The following PTPRM variants were observed in gnomAD, a reference collection of about 807,000 sequenced individuals.
PTPRM encodes the protein protein tyrosine phosphatase receptor type M.
PTPRM carries 47 observed loss-of-function variants against 186.7 expected under a neutral mutation model. The ratio of observed to expected loss-of-function variants is 0.25; its 90% CI spans 0.20 to 0.32. The LOEUF (loss-of-function observed/expected upper bound fraction) is 0.32. PTPRM is among the 10% of genes least tolerant of loss of function. PTPRM has a pLI of 1.00. For missense variants in PTPRM, 1,494 were observed against 1,865.0 expected, an observed-to-expected ratio of 0.80 and a Z score of 3.66; for synonymous variants, 668 against 674.9, an observed-to-expected ratio of 0.99 and a Z score of 0.16.
intron 2 of PTPRM, among the ~76,000 whole-genome samples, chr18:7,780,933 T>A (rs1457821484): frequency 6.6e-6 from 1 of 151,154 alleles, no homozygotes; most frequent in African/African-American, 2.4e-5. Flanking sequence ...GGGGTGGGAG[T>A]CAGACCACAT....
chr18:8,069,109 CAAAAAAAA>C (rs71165767), intron 7 of PTPRM, among the ~76,000 whole-genome samples: 1 of 78,618 alleles, frequency 1.3e-5, no homozygotes, highest in East Asian at 4.1e-4. Context: ...GACTCCGTCT[CAAAAAAAA>C]AAAAAAAAAA....
chr18:8,273,172 C>T (rs2094793147), intron 19 of PTPRM, among the ~76,000 whole-genome samples: 1 of 152,126 alleles, frequency 6.6e-6, no homozygotes, highest in South Asian at 2.1e-4. Flanking sequence ...CCACTTAGTA[C>T]ATTTTTAGTT....
intron 31 of PTPRM, among the ~76,000 whole-genome samples, chr18:8,389,412 A>G (rs2095797567): frequency 6.6e-6 from 1 of 152,244 alleles, no homozygotes. Context: ...CTGTGACCAC[A>G]GAACTAACCA....
At chr18:7,960,468 TATATATATATATACACACACACAC>T (rs1350895038) in intron 7 of PTPRM, among the ~76,000 whole-genome samples, 1 of 123,292 alleles carries the variant, frequency 8.1e-6, no homozygotes, top group Non-Finnish European at 1.7e-5. Flanking sequence ...TATATATATA[TATATATATATATACACACACACAC>T]ACACACACAC....
In PTPRM at chr18:8,303,438, G is replaced by A. The variant is rs151188436; in HGVS notation, c.2842+6983G>A. ...TTTTCTAACATTTTGTTTTATAGCA[G>A]TGTGCTTCTCTCTGCTAATTGAGTG... On this transcript the variant is annotated intron_variant, in intron 20 of 32. Transcript: ENST00000580170. 1.1e-4 allele frequency among the ~76,000 whole-genome samples: 16 copies of A among 152,310 alleles called. No homozygotes were observed. In the East Asian group the frequency reaches 3.1e-3, roughly 29 times the overall value.
chr18:7,824,955 T>A (rs1438981186), intron 2 of PTPRM, among the ~76,000 whole-genome samples: 3 of 152,176 alleles, frequency 2.0e-5, no homozygotes, highest in Non-Finnish European at 2.9e-5. Flanking sequence ...TAAGCTTCTC[T>A]TCATGGATTT....
At chr18:8,035,515 T>C (rs1419507082) in intron 7 of PTPRM, among the ~76,000 whole-genome samples, 1 of 152,202 alleles carries the variant, frequency 6.6e-6, no homozygotes, top group Non-Finnish European at 1.5e-5. Context: ...CCCAATACAA[T>C]GTAAATGCTA....
chr18:7,841,973 G>A (rs1030522949), intron 2 of PTPRM, among the ~76,000 whole-genome samples: 9 of 150,876 alleles, frequency 6.0e-5, no homozygotes, highest in Middle Eastern at 3.4e-3. Context: ...AGCTTTTCTT[G>A]TTGACTTTGG....
chr18:7,868,764 C>G (rs116876408), intron 2 of PTPRM, among the ~76,000 whole-genome samples: 5,894 of 152,340 alleles, frequency 0.039, 135 homozygotes, highest in Middle Eastern at 0.11. Flanking sequence ...AGCTGACAGG[C>G]AGAAACGTTT....
At chr18:7,717,723 C>T (rs560783779) in intron 1 of PTPRM, among the ~76,000 whole-genome samples, 1 of 152,214 alleles carries the variant, frequency 6.6e-6, no homozygotes, top group East Asian at 1.9e-4. Context: ...GGCAATCCTG[C>T]CTGGATGCTG....
intron 32 of PTPRM, among the ~76,000 whole-genome samples, chr18:8,401,529 C>A (rs185681713): frequency 1.4e-3 from 207 of 152,318 alleles, no homozygotes; most frequent in African/African-American, 4.8e-3. Flanking sequence ...AGGATCTGTC[C>A]GTTCAGGGTC....
intron 1 of PTPRM, among the ~76,000 whole-genome samples, chr18:7,743,757 C>T (rs680780): frequency 0.099 from 15,038 of 152,002 alleles, 883 homozygotes; most frequent in Middle Eastern, 0.19. Flanking sequence ...GTCAGTAAGC[C>T]GGTTTATAGA....
intron 1 of PTPRM, among the ~76,000 whole-genome samples, chr18:7,663,699 A>G (rs932577877): frequency 6.6e-6 from 1 of 152,202 alleles, no homozygotes; most frequent in Middle Eastern, 3.2e-3. Context: ...AAGTGCCATT[A>G]AACATACTGA....
At chr18:8,033,890 G>A (rs948535328) in intron 7 of PTPRM, among the ~76,000 whole-genome samples, 4 of 152,148 alleles carry the variant, frequency 2.6e-5, no homozygotes, top group Admixed American at 6.5e-5. Context: ...TGGCAGGGCC[G>A]TGCTCCTTTC....
chr18:7,711,080 A>G (rs1234363402), intron 1 of PTPRM, among the ~76,000 whole-genome samples: 2 of 152,154 alleles, frequency 1.3e-5, no homozygotes, highest in Non-Finnish European at 2.9e-5. Flanking sequence ...TGCAGCTCCC[A>G]GTGAGATCAA....
At chr18:7,706,774 C>A (rs1304208569) in intron 1 of PTPRM, among the ~76,000 whole-genome samples, 2 of 151,944 alleles carry the variant, frequency 1.3e-5, no homozygotes, top group Non-Finnish European at 2.9e-5. Context: ...GTTGCTTCTA[C>A]CTGTGTTATG....
intron 5 of PTPRM, among the ~76,000 whole-genome samples, chr18:7,932,071 T>C (rs2051520795): frequency 6.6e-6 from 1 of 152,190 alleles, no homozygotes; most frequent in Admixed American, 6.5e-5. Context: ...CCTGCATTCC[T>C]TACTCCTGTT....
At chr18:8,198,627 C>T (rs530636096) in intron 14 of PTPRM, among the ~76,000 whole-genome samples, 1 of 152,052 alleles carries the variant, frequency 6.6e-6, no homozygotes, top group Admixed American at 6.5e-5. Context: ...TTCTGTATTG[C>T]GGAGAGGATC....
intron 2 of PTPRM, among the ~76,000 whole-genome samples, chr18:7,835,540 A>T (rs746652574): frequency 2.0e-5 from 3 of 152,270 alleles, no homozygotes; most frequent in Non-Finnish European, 2.9e-5. Context: ...GAGGAAAAGA[A>T]TGTGTATTCT....
Sources: gnomAD v4.1 joint callset for allele counts (sites outside exome capture counted in the v4.1 genomes callset) on GRCh38, gnomAD v4.1.1 for gene constraint, MANE v1.5 for transcripts, NCBI Gene and HGNC (gene_info 2026-07-23, HGNC 2026-07-21) for gene names.